OR11A1: variants seen among roughly 807,000 people sequenced by gnomAD.
The protein encoded by OR11A1 is olfactory receptor family 11 subfamily A member 1.
For missense variants in OR11A1, 380 were observed against 378.2 expected, an observed-to-expected ratio of 1.00 and a Z score of -0.04; for synonymous variants, 158 against 152.2, an observed-to-expected ratio of 1.04 and a Z score of -0.28.
At chr6:29,452,646 G>A (rs1043055438) in intron 1 of OR11A1, among the ~76,000 whole-genome samples, 48 of 152,146 alleles carry the variant, frequency 3.2e-4, no homozygotes, top group African/African-American at 1.0e-3. Flanking sequence ...TGCCAACTTA[G>A]AATTACCCAG....
chr6:29,447,993 G>T (rs1784944889), intron 1 of OR11A1, among the ~76,000 whole-genome samples: 1 of 145,662 alleles, frequency 6.9e-6, no homozygotes. Flanking sequence ...ATCCAAAAGT[G>T]ATCAACATGA....
intron 1 of OR11A1, among the ~76,000 whole-genome samples, chr6:29,446,728 A>G (rs966122069): frequency 9.9e-5 from 15 of 152,188 alleles, no homozygotes; most frequent in African/African-American, 3.6e-4. Context: ...CAACCTCAGC[A>G]TGCCTGAAAA....
chr6:29,440,893 A>T, intron 1 of OR11A1: 1 of 1,613,804 alleles, frequency 6.2e-7, no homozygotes, highest in Non-Finnish European at 8.5e-7. Flanking sequence ...AGCCTGCGGA[A>T]CACAGAGGTC....
At chr6:29,436,790 A>G (rs957789225) in intron 1 of OR11A1, among the ~76,000 whole-genome samples, 1 of 152,248 alleles carries the variant, frequency 6.6e-6, no homozygotes, top group Non-Finnish European at 1.5e-5. Flanking sequence ...ACCCTGGCCT[A>G]GTTCAGTGCT....
At chr6:29,448,792 C>G (rs1032295304) in intron 1 of OR11A1, among the ~76,000 whole-genome samples, 1 of 152,150 alleles carries the variant, frequency 6.6e-6, no homozygotes, top group African/African-American at 2.4e-5. Context: ...CCAATAAACA[C>G]CTTCTTTTTA....
chr6:29,439,099 CT>C (rs1401836130), intron 1 of OR11A1, among the ~76,000 whole-genome samples: 4 of 152,112 alleles, frequency 2.6e-5, no homozygotes, highest in African/African-American at 9.7e-5. Context: ...TGTATTTAGA[CT>C]TTTACTGTTA....
rs191855134 is a variant in OR11A1 at position 29,427,728 on chromosome 6, T to C, written c.-87A>G. ...TCTTCTATACCAAGCCTAACGTTATTAGAGCTAAAACAAAACAAAACAAAA... is the reference window on the plus strand; with the variant it reads ...TCTTCTATACCAAGCCTAACGTTATCAGAGCTAAAACAAAACAAAACAAAA... On this transcript the variant is annotated 5_prime_UTR_variant, in exon 5 of 5. It removes the in-frame stop codon of an upstream open reading frame in the 5' UTR. Coordinates refer to ENST00000377149, the MANE Select transcript of OR11A1 (RefSeq NM_001394828.1). The C allele has an allele frequency of 1.6e-4, 232 of 1,486,896 alleles. 1 individual carries two copies. In the African/African-American group the frequency reaches 2.7e-3, roughly 17 times the overall value. 92.1% of individuals were successfully genotyped at this position (1,486,896 alleles called of 1,614,324 possible). A position where few individuals can be genotyped will look rare whatever the true frequency, so the allele number is the denominator to read the frequency against.
In OR11A1 at chr6:29,427,069, C is replaced by A; in HGVS notation, c.573G>T (p.Ser191=). 1 of 1,612,140 alleles carries A rather than the reference C, an allele frequency of 6.2e-7. No homozygotes were observed. The highest frequency in any genetic ancestry group is 8.5e-7 in the Non-Finnish European group (1 of 1,179,978). ...TTGTCACCTGAGCCACTCTGGGATC[C>A]GAGCAAGCCAGGCCCACGAAAAGCA... ...DFMLFVGLAC[S]DPRVAQVTTL... The change falls in exon 5 of 5, where the codon TCG becomes TCT. Residue 191 remains serine, a synonymous_variant. Transcript: ENST00000377149.
chr6:29,428,238 T>C (rs546288583), intron 4 of OR11A1: 22 of 985,688 alleles, frequency 2.2e-5, no homozygotes, highest in Non-Finnish European at 2.5e-5. Context: ...ATAATTCTTA[T>C]ATATTCTTCA....
chr6:29,450,622 A>G (rs1210641589), intron 1 of OR11A1: 1 of 152,198 alleles, frequency 6.6e-6, no homozygotes, highest in African/African-American at 2.4e-5. Context: ...ACACACACAC[A>G]CAATACCTAG....
At chr6:29,431,820 A>C in intron 2 of OR11A1, 44 bp downstream of exon 2, 4 of 980,846 alleles carry the variant, frequency 4.1e-6, no homozygotes, top group Non-Finnish European at 4.8e-6. Flanking sequence ...TTTTTAAAGA[A>C]TCTGTGAACT....
At position 29,427,143 on chromosome 6, in the gene OR11A1, G is replaced by A. The variant is rs764693429; in HGVS notation, c.499C>T (p.Leu167=). The A allele has an allele frequency of 3.1e-6, 5 of 1,612,940 alleles. No homozygotes were observed. The African/African-American group carries it at 5.3e-5, about 17-fold the overall frequency. The part of the protein sequence containing the change: ...DGLVVALVAQ[L]RFCGPNHIDQ... The stretch of plus-strand genomic sequence containing the variant: ...ATGTGGTTGGGGCCACAGAACCTCA[G>A]CTGGGCCACCAGGGCCACAACCAGT... Residue 167 remains leucine, a synonymous_variant, in exon 5 of 5, where the codon CTG becomes TTG. Transcript: ENST00000377149.
chr6:29,430,278 C>T (rs192148618), intron 3 of OR11A1, 23 bp downstream of exon 3: 17 of 985,380 alleles, frequency 1.7e-5, no homozygotes, highest in Admixed American at 6.1e-5. Context: ...CTCCAACTCC[C>T]GTCTCTAAAG....
At chr6:29,435,575 C>G (rs1783567097) in intron 1 of OR11A1, among the ~76,000 whole-genome samples, 1 of 152,148 alleles carries the variant, frequency 6.6e-6, no homozygotes, top group South Asian at 2.1e-4. Context: ...TCCATAGAAA[C>G]TTTAATAACA....
chr6:29,441,124 A>G (rs563830775), intron 1 of OR11A1: 183 of 577,576 alleles, frequency 3.2e-4, no homozygotes, highest in Non-Finnish European at 4.7e-4. Flanking sequence ...TCAGACCCTC[A>G]CAACACATAC....
intron 1 of OR11A1, among the ~76,000 whole-genome samples, chr6:29,454,358 G>GA (rs34309742): frequency 1.3e-5 from 2 of 151,308 alleles, no homozygotes; most frequent in Admixed American, 6.6e-5. Context: ...GGCCCAGATG[G>GA]AAAAAAAAGG....
intron 1 of OR11A1, among the ~76,000 whole-genome samples, chr6:29,438,266 A>G (rs1478562577): frequency 2.0e-5 from 3 of 152,198 alleles, no homozygotes; most frequent in African/African-American, 7.2e-5. Context: ...AAAAATGCAA[A>G]GAAAGATTTG....
chr6:29,438,812 A>G (rs1400451350), intron 1 of OR11A1, among the ~76,000 whole-genome samples: 1 of 151,920 alleles, frequency 6.6e-6, no homozygotes, highest in Non-Finnish European at 1.5e-5. Flanking sequence ...AGAGGGATCC[A>G]CTATGTAGAT....
intron 1 of OR11A1, among the ~76,000 whole-genome samples, chr6:29,451,289 T>G (rs749711249): frequency 6.6e-6 from 1 of 152,150 alleles, no homozygotes; most frequent in Non-Finnish European, 1.5e-5. Flanking sequence ...TACATACAAA[T>G]GGGTGAAGAT....
Sources: allele counts gnomAD v4.1 joint callset (sites outside exome capture counted in the v4.1 genomes callset), GRCh38; gene constraint gnomAD v4.1.1; transcripts MANE v1.5; gene names NCBI Gene and HGNC (gene_info 2026-07-23, HGNC 2026-07-21).